The following FBN1 variants were observed in gnomAD, a reference collection of about 807,000 sequenced individuals.
FBN1 encodes fibrillin 1, also known as fibrillin-1.
In FBN1, 29 loss-of-function variants were observed where a neutral mutation model predicts 365.1. That is an observed-to-expected ratio of 0.08 (90% CI 0.06 to 0.11). FBN1 has a LOEUF of 0.11. FBN1 is among the 10% of genes least tolerant of loss of function. FBN1 has a pLI of 1.00. For missense variants in FBN1, 2,476 were observed against 3,703.2 expected, an observed-to-expected ratio of 0.67 and a Z score of 8.60; for synonymous variants, 1,210 against 1,270.5, an observed-to-expected ratio of 0.95 and a Z score of 1.01.
chr15:48,617,744 C>A (rs371422043), intron 2 of FBN1, among the ~76,000 whole-genome samples: 1 of 152,154 alleles, frequency 6.6e-6, no homozygotes, highest in East Asian at 1.9e-4. Flanking sequence ...CCTCTCTCAA[C>A]GGAGCAAACA....
chr15:48,470,575 C>T, intron 36 of FBN1, 59 bp downstream of exon 36: 1 of 1,611,626 alleles, frequency 6.2e-7, no homozygotes, highest in Non-Finnish European at 8.5e-7. Flanking sequence ...AGGGAGGCTC[C>T]AATAGCTGGG....
intron 9 of FBN1, 24 bp from the exon 10 acceptor site, chr15:48,520,841 C>T (rs2043848427): frequency 1.9e-6 from 3 of 1,613,704 alleles, no homozygotes; most frequent in South Asian, 1.1e-5. Flanking sequence ...AACACATACA[C>T]ACACACACAT....
intron 9 of FBN1, among the ~76,000 whole-genome samples, chr15:48,522,324 TTTAA>T (rs1327291038): frequency 4.6e-5 from 7 of 152,068 alleles, no homozygotes; most frequent in African/African-American, 1.2e-4. Flanking sequence ...TGTGTATTAA[TTTAA>T]TTAATTTAAT....
At chr15:48,510,510 G>A (rs2043750157) in intron 13 of FBN1, among the ~76,000 whole-genome samples, 1 of 152,008 alleles carries the variant, frequency 6.6e-6, no homozygotes, top group Non-Finnish European at 1.5e-5. Flanking sequence ...AAATTTGGCT[G>A]GCATCTTTAA....
At chr15:48,641,428 T>C (rs1193954840) in intron 2 of FBN1, 1 of 152,084 alleles carries the variant, frequency 6.6e-6, no homozygotes, top group East Asian at 1.9e-4. Flanking sequence ...AAGAAAGGAA[T>C]ATATATGCAT....
chr15:48,543,208 C>T (rs1431973951), intron 6 of FBN1, among the ~76,000 whole-genome samples: 1 of 152,130 alleles, frequency 6.6e-6, no homozygotes, highest in African/African-American at 2.4e-5. Context: ...TTCCCATTTC[C>T]AGTCTCTTTC....
chr15:48,538,436 T>A (rs2141359268), intron 6 of FBN1, among the ~76,000 whole-genome samples: 1 of 152,156 alleles, frequency 6.6e-6, no homozygotes, highest in East Asian at 1.9e-4. Context: ...CAAAACACAT[T>A]AGGTTTTAAT....
In FBN1 at chr15:48,516,224, C is replaced by G. The variant is rs368089138; in HGVS notation, c.1286G>C (p.Arg429Pro). 4.3e-6 allele frequency: 7 copies of G among 1,613,048 alleles called. No homozygotes were observed. The highest frequency in any genetic ancestry group is 5.1e-6 in the Non-Finnish European group (6 of 1,179,754). ...TGGATACAGATATTCCACTGGTGGT[C>G]GAGGGACCGGAATTTGAGGTCCAGG... ...FPPGPQIPVPRPPVEYLYPSR... is the reference protein window; with the variant it reads ...FPPGPQIPVPPPPVEYLYPSR... Residue 429 changes from arginine to proline, a missense_variant, in exon 11 of 66, where the codon CGA becomes CCA. Physicochemically the swap from Arg to Pro is moderately radical, Grantham distance 103. Coordinates refer to ENST00000316623, the MANE Select transcript of FBN1 (RefSeq NM_000138.5).
intron 2 of FBN1, among the ~76,000 whole-genome samples, chr15:48,615,640 G>A (rs1449424079): frequency 6.6e-6 from 1 of 152,138 alleles, no homozygotes; most frequent in Non-Finnish European, 1.5e-5. Context: ...GGGAGGAAAG[G>A]TGTGGCAGTC....
At chr15:48,538,894 A>G (rs2044034598) in intron 6 of FBN1, among the ~76,000 whole-genome samples, 1 of 152,236 alleles carries the variant, frequency 6.6e-6, no homozygotes, top group African/African-American at 2.4e-5. Context: ...TGTGAACGCA[A>G]CAGTTTTATG....
At chr15:48,578,447 C>A (rs938043880) in intron 6 of FBN1, among the ~76,000 whole-genome samples, 2 of 152,132 alleles carry the variant, frequency 1.3e-5, no homozygotes, top group Non-Finnish European at 2.9e-5. Context: ...CGTGTGCTCT[C>A]CAAAGCGCAT....
At chr15:48,479,741 T>C (rs938518360) in intron 32 of FBN1, among the ~76,000 whole-genome samples, 6 of 152,356 alleles carry the variant, frequency 3.9e-5, no homozygotes, top group Admixed American at 3.3e-4. Flanking sequence ...TCTGTTACCA[T>C]GGTCTTAGTA....
intron 5 of FBN1, 100 bp downstream of exon 5, chr15:48,600,039 T>A (rs1176948848): frequency 1.2e-6 from 1 of 864,406 alleles, no homozygotes; most frequent in African/African-American, 1.7e-5. Flanking sequence ...ACATGCTGTG[T>A]CCCAGGTAAT....
At chr15:48,528,838 C>T (rs1396870627) in intron 8 of FBN1, 1 of 152,164 alleles carries the variant, frequency 6.6e-6, no homozygotes, top group African/African-American at 2.4e-5. Context: ...TTTCCCCTTT[C>T]CTAAACCACC....
At chr15:48,461,257 A>G (rs919126601) in intron 42 of FBN1, among the ~76,000 whole-genome samples, 1 of 152,184 alleles carries the variant, frequency 6.6e-6, no homozygotes, top group Non-Finnish European at 1.5e-5. Flanking sequence ...CCATGACTGA[A>G]TTTGGTGAAT....
Position 48,425,792 on chromosome 15 carries a change from T to C in FBN1, c.7277A>G (p.His2426Arg). The change falls in exon 59 of 66, where the codon CAT (histidine) becomes CGT (arginine). Residue 2426 changes from histidine to arginine, a missense_variant. Around this residue, in one of 5 missense-constraint regions of FBN1, gnomAD observed 1,780 missense variants for 2,840.8 expected, o/e 0.63. Transcript: ENST00000316623. ...GECVNDRGSY[H>R]CICKTGYTPD... ...AGTGTACCCAGTTTTACAAATGCAA[T>C]GATATGATCCTCTGTCATTGACACA... 2 of 1,613,164 alleles carry C rather than the reference T, an allele frequency of 1.2e-6. No homozygotes were observed. The highest frequency in any genetic ancestry group is 1.7e-6 in the Non-Finnish European group (2 of 1,179,172).
At chr15:48,566,987 T>TG (rs1269522197) in intron 6 of FBN1, among the ~76,000 whole-genome samples, 17 of 152,306 alleles carry the variant, frequency 1.1e-4, no homozygotes, top group Admixed American at 2.6e-4. Context: ...GGGAGTTTGA[T>TG]GGAAATGCAG....
chr15:48,519,867 T>G (rs1473681646), intron 10 of FBN1, among the ~76,000 whole-genome samples: 1 of 152,216 alleles, frequency 6.6e-6, no homozygotes, highest in Non-Finnish European at 1.5e-5. Flanking sequence ...TGGAGTGAAT[T>G]GGCCACTAAA....
intron 6 of FBN1, among the ~76,000 whole-genome samples, chr15:48,555,559 C>T (rs2044173091): frequency 6.6e-6 from 1 of 152,134 alleles, no homozygotes. Flanking sequence ...TGTACATTGA[C>T]TATTTGCCAG....
Sources: allele counts gnomAD v4.1 joint callset (sites outside exome capture counted in the v4.1 genomes callset), GRCh38; gene constraint gnomAD v4.1.1; regional missense constraint gnomAD v4.1.1; transcripts MANE v1.5; gene names NCBI Gene and HGNC (gene_info 2026-07-23, HGNC 2026-07-21).